The following PIK3C2B variants were observed in gnomAD, a reference collection of about 807,000 sequenced individuals.
The protein encoded by PIK3C2B is phosphatidylinositol-4-phosphate 3-kinase catalytic subunit type 2 beta.
Under a neutral mutation model 184.3 loss-of-function variants are expected in PIK3C2B, and 83 were observed. The ratio of observed to expected loss-of-function variants is 0.45; its 90% CI spans 0.38 to 0.54. PIK3C2B has a LOEUF of 0.54. Among genes scored for constraint, PIK3C2B ranks in the 20% least tolerant of loss-of-function variants. The pLI is 0.00. For synonymous variants in PIK3C2B, 779 were observed against 837.6 expected (o/e 0.93, Z 1.21); for missense variants, 1,736 against 2,113.5 (o/e 0.82, Z 3.50).
chr1:204,444,559 T>C (rs991799581), intron 16 of PIK3C2B, 135 bp from the exon 17 acceptor site: 1 of 640,688 alleles, frequency 1.6e-6, no homozygotes, highest in South Asian at 1.9e-5. Flanking sequence ...CTAAAGTCAC[T>C]AGAAGAATCC....
At chr1:204,426,132 A>G (rs988895381) in intron 31 of PIK3C2B, among the ~76,000 whole-genome samples, 1 of 152,192 alleles carries the variant, frequency 6.6e-6, no homozygotes, top group Admixed American at 6.5e-5. Context: ...ACAGAGATTG[A>G]GCTGCTTGCT....
Position 204,449,206 on chromosome 1 carries a change from C to T in PIK3C2B, c.2325G>A (p.Gln775=), listed in dbSNP as rs775252557. The change falls in exon 14 of 33, where the codon CAG becomes CAA. Residue 775 remains glutamine, a synonymous_variant. Coordinates refer to ENST00000684373, the MANE Select transcript of PIK3C2B (RefSeq NM_001377334.1). ...SARWSAPNFH[Q]PDSVILQIDF... ...TCACCTGCAGGATGACACTGTCTGGCTGGTGGAAATTAGGTGCACTCCAAC... is the reference window on the plus strand; with the variant it reads ...TCACCTGCAGGATGACACTGTCTGGTTGGTGGAAATTAGGTGCACTCCAAC... 9 of 1,611,912 alleles carry T rather than the reference C, an allele frequency of 5.6e-6. No homozygotes were observed. The highest frequency in any genetic ancestry group is 2.2e-5 in the East Asian group (1 of 44,876).
chr1:204,483,111 C>T (rs1435095854), intron 1 of PIK3C2B, among the ~76,000 whole-genome samples: 3 of 152,140 alleles, frequency 2.0e-5, no homozygotes, highest in Non-Finnish European at 4.4e-5. Context: ...CTCTCTCCTG[C>T]TTCCATCCGA....
rs1655572161 is a variant in PIK3C2B, at chr1:204,464,316, C to T, written c.1189+134G>A. The T allele has an allele frequency of 2.8e-6, 3 of 1,088,812 alleles. No individual in the cohort carries two copies. In the Admixed American group the frequency reaches 7.0e-5, roughly 25 times the overall value. The allele number at this position is 1,088,812 out of a possible 1,614,324, so 67.4% of individuals were successfully genotyped here. ...ACTAGAATGCTGGCCCCATAGCCAG[C>T]CCCTCACCCCCAAAGGAGCATCCTC... On this transcript the variant is annotated intron_variant, in intron 4 of 32. Coordinates refer to ENST00000684373, the MANE Select transcript of PIK3C2B (RefSeq NM_001377334.1).
rs558241797 is a variant in PIK3C2B at position 204,427,052 on chromosome 1, G to A, written c.4587+596C>T. ...CTACTCAGGCTGAGGCAGGAAAATC[G>A]CTTGAACCCAGGAGGCGGAGGTTGC... is the stretch of plus-strand genomic sequence containing the variant. On this transcript the variant is annotated intron_variant, in intron 31 of 32. Coordinates refer to ENST00000684373, the MANE Select transcript of PIK3C2B (RefSeq NM_001377334.1). 4.6e-5 allele frequency among the ~76,000 whole-genome samples: 7 copies of A among 152,034 alleles called. No homozygotes were observed. In the South Asian group the frequency reaches 8.3e-4, roughly 18 times the overall value.
intron 12 of PIK3C2B, among the ~76,000 whole-genome samples, chr1:204,452,758 G>C (rs551508598): frequency 6.7e-6 from 1 of 148,516 alleles, no homozygotes; most frequent in Non-Finnish European, 1.5e-5. Flanking sequence ...AGGCTCAAGT[G>C]ACTCTCCCAC....
At chr1:204,472,278 C>A (rs1027566444) in intron 1 of PIK3C2B, among the ~76,000 whole-genome samples, 2 of 151,878 alleles carry the variant, frequency 1.3e-5, no homozygotes, top group Non-Finnish European at 2.9e-5. Flanking sequence ...ATTCTCCTGC[C>A]TCAGCCTCCC....
In PIK3C2B at chr1:204,447,391, A is replaced by G. The variant is rs775877316; in HGVS notation, c.2489+45T>C. On this transcript the variant is annotated intron_variant, in intron 15 of 32. Coordinates refer to ENST00000684373, the MANE Select transcript of PIK3C2B (RefSeq NM_001377334.1). The surrounding 1 kb of genome is among the most constrained non-coding windows in gnomAD (Gnocchi z 4.1). ...AGGAGGACGGAGACTCAGTGCTGGG[A>G]GGTCAGATGAAACATGACAGATTCA... is the stretch of plus-strand genomic sequence containing the variant. 1.9e-6 allele frequency: 3 copies of G among 1,582,090 alleles called. No homozygotes were observed. The highest frequency in any genetic ancestry group is 1.7e-6 in the Non-Finnish European group (2 of 1,154,106).
rs545904416 is a variant in PIK3C2B at position 204,467,833 on chromosome 1, C to CAAAAAAAAAAAAAA, written c.933+1023_933+1036dup. Among the ~76,000 whole-genome samples the CAAAAAAAAAAAAAA allele has an allele frequency of 2.3e-4, 20 of 88,564 alleles. 8 individuals are homozygous for CAAAAAAAAAAAAAA. The highest frequency in any genetic ancestry group is 2.5e-4 in the Non-Finnish European group (11 of 44,518). 58.1% of individuals were successfully genotyped at this position (88,564 alleles called of 152,430 possible). ...CTGGTGACAGAGTGAGACTCTGTCT[C>CAAAAAAAAAAAAAA]AAAAAAAAAAAAAAAAAGAAGGCAT... On this transcript the variant is annotated intron_variant, in intron 2 of 32. Transcript: ENST00000684373.
intron 12 of PIK3C2B, 74 bp downstream of exon 12, chr1:204,454,595 T>C: frequency 1.3e-6 from 2 of 1,524,720 alleles, no homozygotes; most frequent in Admixed American, 3.6e-5. Flanking sequence ...ACTAGTTATC[T>C]GGCCCCAGGG....
intron 1 of PIK3C2B, among the ~76,000 whole-genome samples, chr1:204,487,411 T>C (rs1278050810): frequency 6.6e-6 from 1 of 152,226 alleles, no homozygotes; most frequent in Non-Finnish European, 1.5e-5. Flanking sequence ...ACCGCATGGA[T>C]TACCTCGTAT....
rs1017177093 is a variant in PIK3C2B, at chr1:204,447,149, T to C, written c.2489+287A>G. ...GCCCCAGTGGACAGAAGGTAGTAGA[T>C]AGCACATCTGGGATGTGGGGCAGAG... is the stretch of plus-strand genomic sequence containing the variant. On this transcript the variant is annotated intron_variant, in intron 15 of 32. Transcript: ENST00000684373. The surrounding 1 kb of genome is among the most constrained non-coding windows in gnomAD (Gnocchi z 4.1). Among the ~76,000 whole-genome samples, 1 of 151,998 alleles carries C rather than the reference T, an allele frequency of 6.6e-6. No individual in the cohort carries two copies. The highest frequency in any genetic ancestry group is 6.6e-5 in the Admixed American group (1 of 15,262).
At chr1:204,439,747 G>A (rs547048727) in intron 22 of PIK3C2B, among the ~76,000 whole-genome samples, 1 of 152,232 alleles carries the variant, frequency 6.6e-6, no homozygotes, top group East Asian at 1.9e-4. Context: ...CGATCCATCT[G>A]CCTCAGCCTC....
chr1:204,441,932 A>C (rs2103481176), intron 20 of PIK3C2B, among the ~76,000 whole-genome samples: 1 of 152,290 alleles, frequency 6.6e-6, no homozygotes, highest in South Asian at 2.1e-4. Context: ...TGTGAAGATG[A>C]AATGCCATAA....
Position 204,440,335 on chromosome 1 carries a change from G to T in PIK3C2B, c.3250-14C>A. On this transcript the variant is annotated splice_polypyrimidine_tract_variant and intron_variant, in intron 21 of 32. Transcript: ENST00000684373. ...GTCGTCCCCACACTGGATGGAGGGA[G>T]AAAGTGACCAGATCTAATCTCCACT... The T allele has an allele frequency of 6.4e-7, 1 of 1,571,482 alleles. No homozygotes were observed. The highest frequency in any genetic ancestry group is 8.6e-7 in the Non-Finnish European group (1 of 1,157,852).
At chr1:204,491,465 G>A (rs1404782662) in intron 1 of PIK3C2B, among the ~76,000 whole-genome samples, 1 of 152,100 alleles carries the variant, frequency 6.6e-6, no homozygotes, top group African/African-American at 2.4e-5. Flanking sequence ...GGCCAAGGCA[G>A]GAGGTTCCTT....
chr1:204,478,062 G>T (rs1656851962), intron 1 of PIK3C2B, among the ~76,000 whole-genome samples: 1 of 152,148 alleles, frequency 6.6e-6, no homozygotes, highest in South Asian at 2.1e-4. Flanking sequence ...TGGGCATCCT[G>T]ATTTTCAGTA....
At position 204,457,797 on chromosome 1, in the gene PIK3C2B, G is replaced by C. The variant is rs766598175; in HGVS notation, c.1644C>G (p.Thr548=). The C allele has an allele frequency of 1.9e-6, 3 of 1,613,084 alleles. No homozygotes were observed. The highest frequency in any genetic ancestry group is 2.5e-6 in the Non-Finnish European group (3 of 1,179,638). Residue 548 remains threonine (T), a synonymous_variant, in exon 9 of 33, where the codon ACC becomes ACG. Transcript: ENST00000684373. ...GGTTGAGAGCACTGGTGATCTCAGG[G>C]GTTTCCACGGCGGCCAGGGCGTTGC... is the stretch of plus-strand genomic sequence containing the variant. ...AICNALAAVE[T]PEITSALNQL... is the part of the protein sequence containing the mutation.
rs535437121 is a variant in PIK3C2B at position 204,468,916 on chromosome 1, C to A, written c.887G>T (p.Arg296Leu). Residue 296 changes from arginine (R) to leucine (L), a missense_variant, in exon 2 of 33, where the codon CGA (arginine) becomes CTA (leucine). Arg to Leu is a moderately radical substitution (Grantham distance 102, BLOSUM62 -2). This residue lies in a region of PIK3C2B where 404 missense variants were observed against 418.0 expected (regional missense o/e 0.97). Transcript: ENST00000684373. ...GTTCTTGCCAGGCGTCGCATTCTTT[C>A]GGTTGCCATAGCGGGAGGCATAGGT... The part of the protein sequence containing the change: ...PRTYASRYGN[R>L]KNATPGKNRR... 7 of 1,604,058 alleles carry A rather than the reference C, an allele frequency of 4.4e-6. No homozygotes were observed. The African/African-American group carries it at 8.1e-5, about 18-fold the overall frequency.
Sources: gnomAD v4.1 joint callset for allele counts (sites outside exome capture counted in the v4.1 genomes callset) on GRCh38, gnomAD v4.1.1 for gene constraint, gnomAD v4.1.1 regional missense constraint, Gnocchi (gnomAD v3.1) non-coding constraint, MANE v1.5 for transcripts, NCBI Gene and HGNC (gene_info 2026-07-23, HGNC 2026-07-21) for gene names.